The following OSTN variants were observed in gnomAD, a reference collection of about 807,000 sequenced individuals.
OSTN encodes the protein osteocrin.
Under a neutral mutation model 12.0 loss-of-function variants are expected in OSTN, and 9 were observed. The ratio of observed to expected loss-of-function variants is 0.75; its 90% CI spans 0.45 to 1.30. OSTN has a LOEUF of 1.30. Ranked by LOEUF, OSTN falls within the 50% of genes most tolerant of loss-of-function variation. The pLI is 0.00. For missense variants in OSTN, 148 were observed against 152.3 expected (o/e 0.97, Z 0.15); for synonymous variants, 59 against 56.9 (o/e 1.04, Z -0.16).
At chr3:191,203,651 AT>A (rs1714202218) in intron 1 of OSTN, among the ~76,000 whole-genome samples, 2 of 151,910 alleles carry the variant, frequency 1.3e-5, no homozygotes, top group African/African-American at 4.8e-5. Context: ...TATCTGCCAC[AT>A]TAATAACACT....
chr3:191,261,546 A>G (rs1040079058), intron 4 of OSTN, among the ~76,000 whole-genome samples: 16 of 152,164 alleles, frequency 1.1e-4, no homozygotes, highest in Admixed American at 1.0e-3. Context: ...TCTTCCCTAG[A>G]TCTAGACAAG....
intron 4 of OSTN, among the ~76,000 whole-genome samples, chr3:191,252,896 G>A (rs1433555427): frequency 2.6e-5 from 4 of 152,164 alleles, no homozygotes; most frequent in African/African-American, 9.7e-5. Context: ...ATTAAATACT[G>A]TTCACACAGT....
At chr3:191,211,012 C>G (rs1472752307) in intron 1 of OSTN, among the ~76,000 whole-genome samples, 1 of 152,102 alleles carries the variant, frequency 6.6e-6, no homozygotes, top group Non-Finnish European at 1.5e-5. Context: ...TGCTCACTAC[C>G]CAGAATTAAC....
In OSTN at chr3:191,250,101, C is replaced by G; in HGVS notation, c.382C>G (p.Leu128Val). The G allele has an allele frequency of 1.9e-6, 3 of 1,612,790 alleles. No individual in the cohort carries two copies. The highest frequency in any genetic ancestry group is 2.5e-6 in the Non-Finnish European group (3 of 1,178,834). ...CATGGATCGGATTGGTAGAAACCGGCTTTCAAATTCCAGAGGCTAATTGAT... is the reference window on the plus strand; with the variant it reads ...CATGGATCGGATTGGTAGAAACCGGGTTTCAAATTCCAGAGGCTAATTGAT... ...IPMDRIGRNR[L>V]SNSRG Residue 128 changes from leucine (L) to valine (V), a missense_variant, in exon 4 of 5, where the codon CTT becomes GTT. Physicochemically the swap from Leu to Val is conservative, Grantham distance 32. Transcript: ENST00000682035.
chr3:191,258,756 C>A (rs1374420258), intron 4 of OSTN, among the ~76,000 whole-genome samples: 1 of 152,056 alleles, frequency 6.6e-6, no homozygotes, highest in Non-Finnish European at 1.5e-5. Flanking sequence ...GTCACTTTGC[C>A]GCAAATACAT....
At chr3:191,228,440 C>T (rs969122140) in intron 3 of OSTN, among the ~76,000 whole-genome samples, 36 of 152,136 alleles carry the variant, frequency 2.4e-4, no homozygotes, top group African/African-American at 7.7e-4. Flanking sequence ...CCAAATTCTA[C>T]GCCAAATACA....
chr3:191,259,464 G>A (rs909166284), intron 4 of OSTN, among the ~76,000 whole-genome samples: 8 of 150,946 alleles, frequency 5.3e-5, no homozygotes, highest in Non-Finnish European at 1.0e-4. Context: ...GCCTCCCGAA[G>A]TGCTGGGATT....
chr3:191,251,782 G>C (rs1010864927), intron 4 of OSTN, among the ~76,000 whole-genome samples: 1 of 152,174 alleles, frequency 6.6e-6, no homozygotes, highest in African/African-American at 2.4e-5. Flanking sequence ...CGTATCTAGA[G>C]ATATACCAAG....
At chr3:191,230,898 C>T (rs1471750660) in intron 3 of OSTN, among the ~76,000 whole-genome samples, 1 of 152,188 alleles carries the variant, frequency 6.6e-6, no homozygotes, top group African/African-American at 2.4e-5. Context: ...CTCTCCTTTA[C>T]CTTCACCTCC....
At chr3:191,202,488 G>A (rs1714172691) in intron 1 of OSTN, among the ~76,000 whole-genome samples, 1 of 152,066 alleles carries the variant, frequency 6.6e-6, no homozygotes, top group African/African-American at 2.4e-5. Context: ...TCCTGTTTTT[G>A]AGTAGTATAA....
intron 3 of OSTN, among the ~76,000 whole-genome samples, chr3:191,237,204 G>A (rs921871254): frequency 1.8e-4 from 28 of 152,250 alleles, no homozygotes; most frequent in East Asian, 5.8e-4. Context: ...TGCCTCAAGC[G>A]ACTTTCTACA....
chr3:191,245,604 C>T (rs1715410232), intron 3 of OSTN, among the ~76,000 whole-genome samples: 1 of 152,142 alleles, frequency 6.6e-6, no homozygotes, highest in African/African-American at 2.4e-5. Context: ...ATTTATTTTG[C>T]TTTCCACTAT....
intron 4 of OSTN, among the ~76,000 whole-genome samples, chr3:191,250,867 T>A (rs1236805777): frequency 6.6e-6 from 1 of 152,168 alleles, no homozygotes; most frequent in Admixed American, 6.5e-5. Flanking sequence ...TTAATCATTT[T>A]ATTTCATAAA....
intron 1 of OSTN, among the ~76,000 whole-genome samples, chr3:191,206,490 T>C (rs547976228): frequency 1.9e-4 from 29 of 152,370 alleles, no homozygotes; most frequent in Admixed American, 1.6e-3. Context: ...TGCAATTTTT[T>C]GCATAAACTT....
At chr3:191,206,170 G>A (rs1714269035) in intron 1 of OSTN, among the ~76,000 whole-genome samples, 1 of 144,926 alleles carries the variant, frequency 6.9e-6, no homozygotes, top group African/African-American at 2.6e-5. Context: ...TGGGCAACAA[G>A]AGCGAAACTC....
chr3:191,226,134 A>G (rs1412695356), intron 3 of OSTN, among the ~76,000 whole-genome samples: 1 of 152,190 alleles, frequency 6.6e-6, no homozygotes, highest in Non-Finnish European at 1.5e-5. Context: ...GACAAAAGTC[A>G]TAGATAAAAT....
In OSTN at chr3:191,265,004, T is replaced by C. The variant is rs1715890888; in HGVS notation, c.*2151T>C. ...CACAATTTCCATGAAGGGAAGAAAATGTTTTCTCCACTTATAACTCTATTT... is the reference window on the plus strand; with the variant it reads ...CACAATTTCCATGAAGGGAAGAAAACGTTTTCTCCACTTATAACTCTATTT... On this transcript the variant is annotated 3_prime_UTR_variant, in exon 5 of 5. Coordinates refer to ENST00000682035, the MANE Select transcript of OSTN (RefSeq NM_198184.2). 6.6e-6 allele frequency: 1 copy of C among 152,100 alleles called. No homozygotes were observed. 9.4% of individuals were successfully genotyped at this position (152,100 alleles called of 1,614,324 possible). A position where few individuals can be genotyped will look rare whatever the true frequency, so the allele number is the denominator to read the frequency against.
At chr3:191,219,624 C>T (rs1263375675) in intron 3 of OSTN, among the ~76,000 whole-genome samples, 1 of 152,088 alleles carries the variant, frequency 6.6e-6, no homozygotes, top group East Asian at 1.9e-4. Context: ...TTAAAGTAAT[C>T]ATTCCAAACT....
chr3:191,248,830 T>A (rs1318376685), intron 3 of OSTN, among the ~76,000 whole-genome samples: 2 of 152,180 alleles, frequency 1.3e-5, no homozygotes, highest in African/African-American at 4.8e-5. Flanking sequence ...ACACTTATAG[T>A]CCCAGCTACT....
Sources: allele counts gnomAD v4.1 joint callset (sites outside exome capture counted in the v4.1 genomes callset), GRCh38; gene constraint gnomAD v4.1.1; transcripts MANE v1.5; gene names NCBI Gene and HGNC (gene_info 2026-07-23, HGNC 2026-07-21).